Variants in CFAP100 observed in about 807,000 individuals in gnomAD.
The protein encoded by CFAP100 is cilia- and flagella-associated protein 100.
Under a neutral mutation model 81.5 loss-of-function variants are expected in CFAP100, and 70 were observed. That is an observed-to-expected ratio of 0.86 (90% CI 0.71 to 1.05). The LOEUF (loss-of-function observed/expected upper bound fraction) is 1.05. Ranked by LOEUF, CFAP100 falls within the 50% of genes least tolerant of loss-of-function variation. The probability of loss-of-function intolerance (pLI) is 0.00; values close to 1 mark genes in which losing one functional copy is unlikely to be tolerated. For missense variants in CFAP100, 811 were observed against 776.5 expected (o/e 1.04, Z -0.53); for synonymous variants, 341 against 314.8 (o/e 1.08, Z -0.88).
intron 13 of CFAP100, 116 bp downstream of exon 13, chr3:126,423,760 T>G: frequency 7.9e-7 from 1 of 1,260,420 alleles, no homozygotes; most frequent in Non-Finnish European, 1.1e-6. Context: ...CCTGGCCTGG[T>G]CCAGGTTGTC....
intron 4 of CFAP100, among the ~76,000 whole-genome samples, chr3:126,415,234 C>A (rs1290998816): frequency 6.6e-6 from 1 of 152,134 alleles, no homozygotes; most frequent in Non-Finnish European, 1.5e-5. Flanking sequence ...TCTTCACCCA[C>A]CCAACAGGGT....
chr3:126,407,499 A>G (rs539745342), intron 3 of CFAP100, among the ~76,000 whole-genome samples: 1 of 152,358 alleles, frequency 6.6e-6, no homozygotes, highest in East Asian at 1.9e-4. Context: ...CAGCAGTTCC[A>G]TAAAATCACT....
chr3:126,403,244 T>G (rs1393092896), intron 2 of CFAP100, among the ~76,000 whole-genome samples: 1 of 151,864 alleles, frequency 6.6e-6, no homozygotes, highest in Middle Eastern at 3.2e-3. Context: ...GGGCTGGAAC[T>G]GAAGCCATGG....
chr3:126,402,716 A>C (rs1399735186), intron 2 of CFAP100, among the ~76,000 whole-genome samples: 1 of 151,886 alleles, frequency 6.6e-6, no homozygotes, highest in Non-Finnish European at 1.5e-5. Context: ...AGGGAAGGGA[A>C]GGTCCTCTAG....
Position 126,419,137 on chromosome 3 carries a change from C to G in CFAP100, c.712C>G (p.Gln238Glu), listed in dbSNP as rs1352845486. The change falls in exon 8 of 17, where the codon CAG becomes GAG. Residue 238 changes from glutamine to glutamate, a missense_variant. Gln to Glu is a conservative substitution (Grantham distance 29). Transcript: ENST00000352312. ...CCTTGAGATCCGGGACCTCACCACCCAGATTGTTAATATCAAAAGGTGAGG... is the reference window on the plus strand; with the variant it reads ...CCTTGAGATCCGGGACCTCACCACCGAGATTGTTAATATCAAAAGGTGAGG... The part of the protein sequence containing the change: ...KILEIRDLTT[Q>E]IVNIKSEISR... 4 of 1,582,950 alleles carry G rather than the reference C, an allele frequency of 2.5e-6. No individual in the cohort carries two copies. Among genetic ancestry groups the G allele is most frequent in the Non-Finnish European group, 3.4e-6 (4 of 1,163,254 alleles).
chr3:126,417,694 G>A (rs1382411031), intron 5 of CFAP100, among the ~76,000 whole-genome samples: 3 of 152,230 alleles, frequency 2.0e-5, no homozygotes, highest in Admixed American at 6.5e-5. Flanking sequence ...GGACATCTCC[G>A]TGGCTACCCA....
At chr3:126,426,758 A>G (rs537383663) in intron 13 of CFAP100, among the ~76,000 whole-genome samples, 26 of 152,360 alleles carry the variant, frequency 1.7e-4, no homozygotes, top group Non-Finnish European at 1.0e-4. Flanking sequence ...CAATAAATAA[A>G]TAAATAATAA....
chr3:126,412,444 C>G (rs1020930873), intron 3 of CFAP100, among the ~76,000 whole-genome samples: 18 of 152,196 alleles, frequency 1.2e-4, no homozygotes, highest in Admixed American at 9.8e-4. Context: ...GTTACTCAAC[C>G]AAAGCATAAT....
At chr3:126,408,913 C>T (rs1446936839) in intron 3 of CFAP100, among the ~76,000 whole-genome samples, 1 of 152,116 alleles carries the variant, frequency 6.6e-6, no homozygotes, top group Non-Finnish European at 1.5e-5. Flanking sequence ...TTCAGCCTGC[C>T]GGGTAGCTGG....
chr3:126,416,687 T>G (rs1316617679), intron 5 of CFAP100, 179 bp downstream of exon 5: 2 of 538,434 alleles, frequency 3.7e-6, no homozygotes, highest in Non-Finnish European at 6.4e-6. Flanking sequence ...CAAAGCTCTA[T>G]TCCAGGATTG....
At chr3:126,399,931 T>C (rs960835352) in intron 2 of CFAP100, among the ~76,000 whole-genome samples, 11 of 152,088 alleles carry the variant, frequency 7.2e-5, no homozygotes, top group Non-Finnish European at 1.0e-4. Context: ...CCTCCAAAAA[T>C]TGGGCTGTGT....
intron 13 of CFAP100, among the ~76,000 whole-genome samples, chr3:126,430,713 C>G (rs1013797509): frequency 2.6e-5 from 4 of 151,608 alleles, no homozygotes; most frequent in African/African-American, 9.7e-5. Flanking sequence ...GCTGTTACAG[C>G]TCTCTTGAAA....
At chr3:126,433,311 GT>G in intron 14 of CFAP100, 107 bp downstream of exon 14, 1 of 1,363,632 alleles carries the variant, frequency 7.3e-7, no homozygotes, top group East Asian at 2.3e-5. Flanking sequence ...CAAGGCCCGG[GT>G]GAGTGCCCTG....
At chr3:126,421,965 T>C (rs189474585) in intron 11 of CFAP100, among the ~76,000 whole-genome samples, 4 of 152,334 alleles carry the variant, frequency 2.6e-5, no homozygotes, top group African/African-American at 7.2e-5. Flanking sequence ...CCCTCAGCCA[T>C]GGACTGCCCC....
intron 14 of CFAP100, 102 bp downstream of exon 14, chr3:126,433,306 C>T: frequency 1.4e-6 from 2 of 1,404,374 alleles, no homozygotes; most frequent in Non-Finnish European, 2.0e-6. Context: ...GAGGACAAGG[C>T]CCGGGTGAGT....
At chr3:126,414,468 C>A (rs535251234) in intron 4 of CFAP100, 431 of 614,208 alleles carry the variant, frequency 7.0e-4, no homozygotes, top group Non-Finnish European at 1.1e-3. Flanking sequence ...CCGCCACTTC[C>A]ACTGCTGCCT....
intron 2 of CFAP100, among the ~76,000 whole-genome samples, chr3:126,406,763 G>T (rs532594047): frequency 6.6e-6 from 1 of 152,276 alleles, no homozygotes; most frequent in South Asian, 2.1e-4. Context: ...GGGTCTTAGG[G>T]GCCTCCATCC....
intron 2 of CFAP100, among the ~76,000 whole-genome samples, chr3:126,403,499 C>T (rs1188148351): frequency 6.6e-6 from 1 of 151,440 alleles, no homozygotes; most frequent in Non-Finnish European, 1.5e-5. Context: ...ATCTTCCTGC[C>T]TCAGCCTCCA....
chr3:126,426,029 A>G (rs2107613996), intron 13 of CFAP100, among the ~76,000 whole-genome samples: 1 of 152,356 alleles, frequency 6.6e-6, no homozygotes, highest in Middle Eastern at 3.4e-3. Flanking sequence ...TCTCACTACT[A>G]CTTTTCAATA....
Sources: gnomAD v4.1 joint callset for allele counts (sites outside exome capture counted in the v4.1 genomes callset) on GRCh38, gnomAD v4.1.1 for gene constraint, MANE v1.5 for transcripts, NCBI Gene and HGNC (gene_info 2026-07-23, HGNC 2026-07-21) for gene names.